Variants in PYGL observed in about 807,000 individuals in gnomAD.
The protein encoded by PYGL is glycogen phosphorylase, liver form.
PYGL carries 90 observed loss-of-function variants against 100.1 expected under a neutral mutation model. That is an observed-to-expected ratio of 0.90 (90% CI 0.76 to 1.07). The LOEUF (loss-of-function observed/expected upper bound fraction) is 1.07. PYGL is among the 50% of genes least tolerant of loss of function. The probability of loss-of-function intolerance (pLI) is 0.00; values close to 1 mark genes in which losing one functional copy is unlikely to be tolerated. For synonymous variants in PYGL, 373 were observed against 393.0 expected (o/e 0.95, Z 0.60); for missense variants, 1,016 against 1,057.6 (o/e 0.96, Z 0.55).
chr14:50,917,758 T>G (rs1485502575), intron 7 of PYGL, among the ~76,000 whole-genome samples: 1 of 152,226 alleles, frequency 6.6e-6, no homozygotes, highest in Non-Finnish European at 1.5e-5. Flanking sequence ...TTAGAGGCCA[T>G]GATGGTGGCC....
At chr14:50,921,892 A>G (rs2050506355) in intron 5 of PYGL, among the ~76,000 whole-genome samples, 1 of 152,244 alleles carries the variant, frequency 6.6e-6, no homozygotes, top group African/African-American at 2.4e-5. Flanking sequence ...TATAATATTT[A>G]AAATGCTATG....
rs375137652 is a variant in PYGL at position 50,917,113 on chromosome 14, C to T, written c.856-8G>A. On this transcript the variant is annotated splice_polypyrimidine_tract_variant and splice_region_variant and intron_variant, in intron 7 of 19. Transcript: ENST00000216392. ...CTCCTTCCCTTCAAAAAACTTCAAG[C>T]CAGAGAGATAGAATAAAAATGGTTC... The T allele has an allele frequency of 3.8e-5, 62 of 1,612,992 alleles. No individual in the cohort carries two copies. The highest frequency in any genetic ancestry group is 5.2e-5 in the Non-Finnish European group (61 of 1,179,182).
chr14:50,912,077 A>G, intron 14 of PYGL, 41 bp from the exon 15 acceptor site: 1 of 1,613,200 alleles, frequency 6.2e-7, no homozygotes, highest in Non-Finnish European at 8.5e-7. Flanking sequence ...AAGACAGCTG[A>G]CGGTCAGGGC....
Position 50,908,462 on chromosome 14 carries a change from T to C in PYGL, c.2313-125A>G, listed in dbSNP as rs558609403. 8.6e-6 allele frequency: 8 copies of C among 929,850 alleles called. No homozygotes were observed. In the South Asian group the frequency reaches 1.1e-4, roughly 13 times the overall value. 57.6% of individuals were successfully genotyped at this position (929,850 alleles called of 1,614,324 possible). On this transcript the variant is annotated intron_variant, in intron 18 of 19. Coordinates refer to ENST00000216392, the MANE Select transcript of PYGL (RefSeq NM_002863.5). ...GCATGGCTGGTTTACCAAATTCATA[T>C]TTCTGTTTGTAAGACTTTTAACCAG...
At chr14:50,935,800 C>G (rs1465219794) in intron 2 of PYGL, among the ~76,000 whole-genome samples, 1 of 152,240 alleles carries the variant, frequency 6.6e-6, no homozygotes, top group Non-Finnish European at 1.5e-5. Context: ...AAGTTGTCAA[C>G]TCAAAACCAG....
chr14:50,928,175 G>C (rs1156647677), intron 4 of PYGL, among the ~76,000 whole-genome samples: 1 of 152,178 alleles, frequency 6.6e-6, no homozygotes, highest in Non-Finnish European at 1.5e-5. Flanking sequence ...AGCAGGGATG[G>C]AGAGGTCAGC....
At chr14:50,932,373 T>G (rs1008173032) in intron 3 of PYGL, among the ~76,000 whole-genome samples, 3 of 152,176 alleles carry the variant, frequency 2.0e-5, no homozygotes, top group African/African-American at 7.2e-5. Context: ...GCTAAGCCAA[T>G]CATAGCAATT....
chr14:50,927,405 A>G (rs1425178349), intron 4 of PYGL, among the ~76,000 whole-genome samples: 4 of 152,074 alleles, frequency 2.6e-5, no homozygotes, highest in Non-Finnish European at 4.4e-5. Flanking sequence ...TTGTATTTTT[A>G]GTAGAGACGG....
At chr14:50,906,203 T>C (rs61141828) in intron 19 of PYGL, among the ~76,000 whole-genome samples, 2,654 of 152,308 alleles carry the variant, frequency 0.017, 80 homozygotes, top group African/African-American at 0.061. Flanking sequence ...TAAGAAGGAA[T>C]TTATTTTATA....
chr14:50,911,753 T>C lies in PYGL; in HGVS notation c.1946A>G (p.Tyr649Cys). The C allele has an allele frequency of 6.2e-7, 1 of 1,614,228 alleles. No homozygotes were observed. Among genetic ancestry groups the C allele is most frequent in the Non-Finnish European group, 8.5e-7 (1 of 1,180,038 alleles). The change falls in exon 16 of 20, where the codon TAC becomes TGC. Residue 649 changes from tyrosine to cysteine, a missense_variant. By Grantham distance (194) the Tyr-to-Cys change is radical. Coordinates refer to ENST00000216392, the MANE Select transcript of PYGL (RefSeq NM_002863.5). The stretch of plus-strand genomic sequence containing the variant: ...ACCTTTTTCAGCAAGAGATACTCTG[T>C]AGTTCTCCAAGAAGATGACTTTCAA... ...SKLKVIFLEN[Y>C]RVSLAEKVIP...
intron 1 of PYGL, among the ~76,000 whole-genome samples, chr14:50,942,720 C>CT (rs2050711384): frequency 7.2e-6 from 1 of 139,104 alleles, no homozygotes; most frequent in South Asian, 2.5e-4. Flanking sequence ...ACTCGAGAGT[C>CT]TGAGGCAGGA....
intron 19 of PYGL, chr14:50,908,004 A>T (rs2050350345): frequency 5.5e-6 from 2 of 361,776 alleles, no homozygotes; most frequent in Admixed American, 4.8e-5. Flanking sequence ...TCTGAGTGAC[A>T]GAGCGAGATC....
At chr14:50,920,117 A>G (rs543984077) in intron 7 of PYGL, among the ~76,000 whole-genome samples, 3 of 152,180 alleles carry the variant, frequency 2.0e-5, no homozygotes, top group African/African-American at 7.2e-5. Flanking sequence ...CTCTAACTCC[A>G]TCTAGCATCA....
In PYGL at chr14:50,931,701, A is replaced by G. The variant is rs756112271; in HGVS notation, c.500T>C (p.Phe167Ser). The G allele has an allele frequency of 6.2e-7, 1 of 1,614,008 alleles. No individual in the cohort carries two copies. Among genetic ancestry groups the G allele is most frequent in the African/African-American group, 1.3e-5 (1 of 75,032 alleles). ...GYGIRYEYGI[F>S]NQKIRDGWQV... ...CCATCCATCTCGGATCTTCTGATTGAAAATCCCATATTCATACCGAATGCC... is the reference window on the plus strand; with the variant it reads ...CCATCCATCTCGGATCTTCTGATTGGAAATCCCATATTCATACCGAATGCC... The change falls in exon 4 of 20, where the codon TTC (phenylalanine) becomes TCC (serine). Residue 167 changes from phenylalanine to serine, a missense_variant. Phe to Ser is a radical substitution (Grantham distance 155, BLOSUM62 -2). Transcript: ENST00000216392.
chr14:50,925,767 C>T lies in PYGL; in HGVS notation c.529-1667G>A, dbSNP rs541945023. ...TGTAATGATGAATGGAAATGGGACTCATAGCAACAACATCTTTAGTTGGAA... is the reference window on the plus strand; with the variant it reads ...TGTAATGATGAATGGAAATGGGACTTATAGCAACAACATCTTTAGTTGGAA... On this transcript the variant is annotated intron_variant, in intron 4 of 19. Transcript: ENST00000216392. Among the ~76,000 whole-genome samples the T allele has an allele frequency of 3.8e-4, 58 of 152,320 alleles. 1 individual carries two copies. The highest frequency in any genetic ancestry group is 1.3e-3 in the African/African-American group (52 of 41,574).
chr14:50,939,287 T>C (rs1178579904), intron 1 of PYGL, among the ~76,000 whole-genome samples: 1 of 152,224 alleles, frequency 6.6e-6, no homozygotes, highest in Non-Finnish European at 1.5e-5. Flanking sequence ...TCTGCCTGCC[T>C]TGGCCTCCCA....
At chr14:50,918,024 A>G (rs2050469489) in intron 7 of PYGL, among the ~76,000 whole-genome samples, 1 of 152,268 alleles carries the variant, frequency 6.6e-6, no homozygotes, top group Non-Finnish European at 1.5e-5. Flanking sequence ...GGCAAAGGAC[A>G]TGAATAGACA....
chr14:50,923,842 T>TA, intron 5 of PYGL, 127 bp downstream of exon 5: 1 of 1,198,322 alleles, frequency 8.3e-7, no homozygotes, highest in South Asian at 1.4e-5. Flanking sequence ...TTTACAAAAA[T>TA]ATATTCTATT....
chr14:50,923,031 G>A (rs2050515306), intron 5 of PYGL, among the ~76,000 whole-genome samples: 1 of 152,230 alleles, frequency 6.6e-6, no homozygotes, highest in Non-Finnish European at 1.5e-5. Context: ...CCAGTTTGGG[G>A]TTAATTCATG....
Sources: gnomAD v4.1 joint callset for allele counts (sites outside exome capture counted in the v4.1 genomes callset) on GRCh38, gnomAD v4.1.1 for gene constraint, MANE v1.5 for transcripts, NCBI Gene and HGNC (gene_info 2026-07-23, HGNC 2026-07-21) for gene names.